Variants in RASSF3 observed in about 807,000 individuals in gnomAD.
RASSF3 encodes the protein ras association domain-containing protein 3.
RASSF3 carries 19 observed loss-of-function variants against 19.9 expected under a neutral mutation model. The observed-to-expected ratio is 0.96, with a 90% confidence interval of 0.67 to 1.40. RASSF3 has a LOEUF of 1.40. RASSF3 is among the 40% of genes most tolerant of loss of function. The pLI is 0.00. For synonymous variants in RASSF3, 110 were observed against 104.2 expected (o/e 1.06, Z -0.34); for missense variants, 306 against 289.8 (o/e 1.06, Z -0.41).
At chr12:64,681,165 C>T (rs1484048796) in intron 1 of RASSF3, among the ~76,000 whole-genome samples, 1 of 152,208 alleles carries the variant, frequency 6.6e-6, no homozygotes, top group East Asian at 1.9e-4. Context: ...TCCTTCTCCT[C>T]ATTCTTAGAA....
At chr12:64,614,699 CT>C (rs11334564) in intron 1 of RASSF3, among the ~76,000 whole-genome samples, 87,612 of 129,306 alleles carry the variant, frequency 0.68, 29,038 homozygotes, top group African/African-American at 0.74. Flanking sequence ...CTTTTCTTTT[CT>C]TTTTTTTTTT....
Position 64,610,736 on chromosome 12 carries a change from G to C in RASSF3, c.104G>C (p.Gly35Ala), listed in dbSNP as rs749743979. 2.0e-5 allele frequency: 32 copies of C among 1,583,950 alleles called. No homozygotes were observed. The highest frequency in any genetic ancestry group is 2.7e-5 in the Non-Finnish European group (32 of 1,166,484). ...GCGCCCCAGGGCAAGCCCCGCTCCGGCCAACAAGTGAGTGGCGCGCGGCGG... is the reference window on the plus strand; with the variant it reads ...GCGCCCCAGGGCAAGCCCCGCTCCGCCCAACAAGTGAGTGGCGCGCGGCGG... ...RRAPQGKPRSGQQDVEKEKET... is the reference protein window; with the variant it reads ...RRAPQGKPRSAQQDVEKEKET... The change falls in exon 1 of 5, where the codon GGC becomes GCC. Residue 35 changes from glycine (G) to alanine (A), a missense_variant. By Grantham distance (60) the Gly-to-Ala change is moderately conservative. Coordinates refer to ENST00000542104, the MANE Select transcript of RASSF3 (RefSeq NM_178169.4).
chr12:64,614,258 C>G (rs934514271), intron 1 of RASSF3, among the ~76,000 whole-genome samples: 3 of 151,654 alleles, frequency 2.0e-5, no homozygotes, highest in Non-Finnish European at 4.4e-5. Context: ...CTCAGCCTCC[C>G]GAGTAGCTGG....
At chr12:64,545,857 G>A (rs1869043681), downstream of RASSF3, among the ~76,000 whole-genome samples, 3 of 152,074 alleles carry the variant, frequency 2.0e-5, no homozygotes, top group South Asian at 6.2e-4. Flanking sequence ...CTGCCTGGGT[G>A]ACAGAGTGAG....
At chr12:64,512,904 T>A (rs1369552449) in intron 1 of RASSF3, among the ~76,000 whole-genome samples, 1 of 152,080 alleles carries the variant, frequency 6.6e-6, no homozygotes, top group East Asian at 1.9e-4. Context: ...GACAATCCCA[T>A]GAGAAATTGG....
At chr12:64,682,314 G>A (rs1457703853) in intron 1 of RASSF3, among the ~76,000 whole-genome samples, 1 of 152,210 alleles carries the variant, frequency 6.6e-6, no homozygotes, top group African/African-American at 2.4e-5. Flanking sequence ...GCTCACGCCT[G>A]TAATCCCAGC....
intron 1 of RASSF3, among the ~76,000 whole-genome samples, chr12:64,670,566 G>T (rs1230757255): frequency 2.0e-5 from 3 of 149,640 alleles, no homozygotes; most frequent in African/African-American, 7.4e-5. Context: ...TTTTTTGTGG[G>T]GGGGATCTTT....
rs1220528907 is a variant in RASSF3, at chr12:64,509,401, G to C, written c.169+2072G>C. Among the ~76,000 whole-genome samples the C allele has an allele frequency of 1.3e-4, 20 of 152,320 alleles. No homozygotes were observed. In the East Asian group the frequency reaches 3.9e-3, roughly 29 times the overall value. On this transcript the variant is annotated intron_variant, in intron 1 of 5. Transcript: ENST00000637125. ...GGAGGTGGAGGTTGCAGTGAGCTAA[G>C]ATGGAACCACTGCACCCCAGCCTGG...
intron 1 of RASSF3, among the ~76,000 whole-genome samples, chr12:64,620,096 T>G (rs1333722652): frequency 1.3e-5 from 2 of 150,940 alleles, no homozygotes; most frequent in Non-Finnish European, 3.0e-5. Flanking sequence ...GACTAAGTGC[T>G]AGAGATTTGG....
upstream of RASSF3, among the ~76,000 whole-genome samples, chr12:64,606,464 C>T (rs1000770923): frequency 5.3e-5 from 8 of 152,194 alleles, no homozygotes; most frequent in Non-Finnish European, 8.8e-5. Context: ...TTAATCCTTA[C>T]AGTAAACCAA....
chr12:64,608,629 G>C (rs547560717), upstream of RASSF3, among the ~76,000 whole-genome samples: 16 of 152,176 alleles, frequency 1.1e-4, no homozygotes, highest in Non-Finnish European at 2.4e-4. Flanking sequence ...TTTCCTCAAA[G>C]TATTCATAAA....
intron 2 of RASSF3, among the ~76,000 whole-genome samples, chr12:64,565,302 C>G (rs1251795903): frequency 2.0e-5 from 3 of 151,918 alleles, no homozygotes; most frequent in African/African-American, 4.8e-5. Flanking sequence ...GCTGGCCAGG[C>G]GTGGTGGCTC....
At chr12:64,530,293 T>A, upstream of RASSF3, among the ~76,000 whole-genome samples, 1 of 146,260 alleles carries the variant, frequency 6.8e-6, no homozygotes. Flanking sequence ...CTGAATAGTA[T>A]TCCAGTGCAC....
At chr12:64,658,850 C>T (rs1872247187) in intron 1 of RASSF3, among the ~76,000 whole-genome samples, 3 of 152,232 alleles carry the variant, frequency 2.0e-5, no homozygotes, top group Admixed American at 1.3e-4. Context: ...AGGAGGATCA[C>T]TTGAGCTCAA....
At chr12:64,632,478 A>G (rs1483584020) in intron 1 of RASSF3, among the ~76,000 whole-genome samples, 4 of 152,122 alleles carry the variant, frequency 2.6e-5, no homozygotes, top group African/African-American at 7.2e-5. Context: ...ACCTGGGTGA[A>G]GGTAATTAGG....
At chr12:64,651,953 G>A (rs1395519047) in intron 1 of RASSF3, among the ~76,000 whole-genome samples, 1 of 152,128 alleles carries the variant, frequency 6.6e-6, no homozygotes, top group Admixed American at 6.5e-5. Context: ...GAGCCACCTC[G>A]CCCAGCTCCA....
chr12:64,585,300 G>A (rs1484105082), intron 2 of RASSF3, among the ~76,000 whole-genome samples: 1 of 152,146 alleles, frequency 6.6e-6, no homozygotes, highest in South Asian at 2.1e-4. Flanking sequence ...TAGCCACCAC[G>A]CCTGGCCCAG....
intron 2 of RASSF3, among the ~76,000 whole-genome samples, chr12:64,581,440 C>A (rs535963029): frequency 6.6e-6 from 1 of 152,128 alleles, no homozygotes; most frequent in Non-Finnish European, 1.5e-5. Flanking sequence ...AGTAGTCATG[C>A]TTTTCAAGCC....
chr12:64,660,746 TTC>T (rs1180031049), intron 1 of RASSF3, among the ~76,000 whole-genome samples: 1 of 152,180 alleles, frequency 6.6e-6, no homozygotes, highest in Admixed American at 6.6e-5. Flanking sequence ...GAAAAAAAAT[TTC>T]TTTCAGGATG....
Sources: gnomAD v4.1 joint callset for allele counts (sites outside exome capture counted in the v4.1 genomes callset) on GRCh38, gnomAD v4.1.1 for gene constraint, MANE v1.5 for transcripts, NCBI Gene and HGNC (gene_info 2026-07-23, HGNC 2026-07-21) for gene names.